EIF4E2: variants seen among roughly 807,000 people sequenced by gnomAD.
The protein encoded by EIF4E2 is eukaryotic translation initiation factor 4E type 2.
A neutral mutation model predicts 34.2 loss-of-function variants in EIF4E2; 13 were observed. The observed-to-expected ratio is 0.38, with a 90% CI of 0.25 to 0.60. The LOEUF is 0.60. Ranked by LOEUF, EIF4E2 falls within the 20% of genes least tolerant of loss-of-function variation. EIF4E2 has a pLI of 0.62. For synonymous variants in EIF4E2, 100 were observed against 106.6 expected (o/e 0.94, Z 0.38); for missense variants, 222 against 315.1 (o/e 0.70, Z 2.24).
chr2:232,581,018 T>C lies in EIF4E2; in HGVS notation c.*75T>C. On this transcript the variant is annotated 3_prime_UTR_variant, in exon 7 of 7. Coordinates refer to the EIF4E2 transcript ENST00000409098. This position sits in a 1 kb window ranked among gnomAD's most constrained non-coding sequence, Gnocchi z 5.2. ...AAATGGATGGGAGGCCTCCAGCCAG[T>C]CCTTCCATTGCTCACTGAAGGGACG... is the stretch of plus-strand genomic sequence containing the variant. 7.0e-7 allele frequency: 1 copy of C among 1,420,414 alleles called. No individual in the cohort carries two copies. The highest frequency in any genetic ancestry group is 9.7e-7 in the Non-Finnish European group (1 of 1,028,244). The allele number at this position is 1,420,414 out of a possible 1,614,324, so 88.0% of individuals were successfully genotyped here. A position where few individuals can be genotyped will look rare whatever the true frequency, so the allele number is the denominator to read the frequency against.
chr2:232,565,529 G>A (rs1692890111), intron 4 of EIF4E2, among the ~76,000 whole-genome samples: 1 of 152,072 alleles, frequency 6.6e-6, no homozygotes, highest in Non-Finnish European at 1.5e-5. Flanking sequence ...AGCTACTCGG[G>A]AGGCTGAGAC....
In EIF4E2 at chr2:232,567,419, CAG is replaced by C; in HGVS notation, c.665+212_665+213del. 2.9e-6 allele frequency: 4 copies of C among 1,373,174 alleles called. 1 individual carries two copies. Among genetic ancestry groups the C allele is most frequent in the Non-Finnish European group, 3.7e-6 (4 of 1,066,810 alleles). The allele number at this position is 1,373,174 out of a possible 1,614,324, so 85.1% of individuals were successfully genotyped here. ...ACCTATACTACCAGGTGCTTTGTAG[CAG>C]AGAGAGCCCATCTGCAGAAACCCAG... is the stretch of plus-strand genomic sequence containing the variant. On this transcript the variant is annotated intron_variant, in intron 6 of 6. Coordinates refer to ENST00000258416, the MANE Select transcript of EIF4E2 (RefSeq NM_004846.4).
chr2:232,566,807 A>AGT lies in EIF4E2; in HGVS notation c.376-20_376-19dup. On this transcript the variant is annotated intron_variant, in intron 4 of 6. Coordinates refer to ENST00000258416, the MANE Select transcript of EIF4E2 (RefSeq NM_004846.4). This position sits in a 1 kb window ranked among gnomAD's most constrained non-coding sequence, Gnocchi z 4.9. ...GGCTGTGAAACCATATTTTAACTTC[A>AGT]GTGCTTTCTGTCTTTTTACAGGATG... is the stretch of plus-strand genomic sequence containing the variant. The AGT allele has an allele frequency of 6.2e-7, 1 of 1,613,444 alleles. No homozygotes were observed. Among genetic ancestry groups the AGT allele is most frequent in the South Asian group, 1.1e-5 (1 of 90,834 alleles).
chr2:232,574,133 C>T, downstream of EIF4E2: 2 of 947,462 alleles, frequency 2.1e-6, no homozygotes, highest in Non-Finnish European at 3.4e-6. Flanking sequence ...TGCTCTGCTC[C>T]CAGGTACCTG....
In EIF4E2 at chr2:232,566,889, C is replaced by A. The variant is rs770708405; in HGVS notation, c.436C>A (p.Arg146Ser). The A allele has an allele frequency of 6.2e-7, 1 of 1,613,628 alleles. No homozygotes were observed. The highest frequency in any genetic ancestry group is 1.1e-5 in the South Asian group (1 of 90,958). Residue 146 changes from arginine to serine, a missense_variant, in exon 5 of 7, where the codon CGT (arginine) becomes AGT (serine). By Grantham distance (110) the Arg-to-Ser change is moderately radical. This residue lies in a region of EIF4E2 where 105 missense variants were observed against 195.1 expected (regional missense o/e 0.54). Coordinates refer to ENST00000258416, the MANE Select transcript of EIF4E2 (RefSeq NM_004846.4). The surrounding 1 kb of genome is among the most constrained non-coding windows in gnomAD (Gnocchi z 4.9). The part of the protein sequence containing the change: ...IIRLRKGLAS[R>S]CWENLILAML... ...TCGGCTGCGGAAGGGCTTGGCCTCC[C>A]GTTGCTGGGAGAATCTCATTTTGGC...
Position 232,566,956 on chromosome 2 carries a change from G to C in EIF4E2, c.503G>C (p.Gly168Ala). ...EQFMVGEEIC[G>A]AVVSVRFQED... ...TTCATGGTTGGGGAGGAGATCTGTG[G>C]GGCTGTGGTGTCTGTCCGCTTTCAG... is the stretch of plus-strand genomic sequence containing the variant. The change falls in exon 5 of 7, where the codon GGG becomes GCG. Residue 168 changes from glycine to alanine, a missense_variant. By Grantham distance (60) the Gly-to-Ala change is moderately conservative (BLOSUM62 0). Transcript: ENST00000258416. This position sits in a 1 kb window ranked among gnomAD's most constrained non-coding sequence, Gnocchi z 4.9. The C allele has an allele frequency of 6.2e-7, 1 of 1,600,390 alleles. No individual in the cohort carries two copies. Among genetic ancestry groups the C allele is most frequent in the Non-Finnish European group, 8.5e-7 (1 of 1,172,998 alleles).
intron 4 of EIF4E2, among the ~76,000 whole-genome samples, chr2:232,565,056 G>C (rs1692872808): frequency 6.6e-6 from 1 of 152,212 alleles, no homozygotes; most frequent in South Asian, 2.1e-4. Flanking sequence ...ACTTTGCAGA[G>C]CCAGTATTCG....
chr2:232,581,030 T>A lies in EIF4E2; in HGVS notation c.*87T>A, dbSNP rs1352928055. The A allele has an allele frequency of 7.5e-7, 1 of 1,334,378 alleles. No homozygotes were observed. Among genetic ancestry groups the A allele is most frequent in the Non-Finnish European group, 1.1e-6 (1 of 949,720 alleles). The allele number at this position is 1,334,378 out of a possible 1,614,324, so 82.7% of individuals were successfully genotyped here. A position where few individuals can be genotyped will look rare whatever the true frequency, so the allele number is the denominator to read the frequency against. ...GGCCTCCAGCCAGTCCTTCCATTGC[T>A]CACTGAAGGGACGTCCCTGAGCCGT... On this transcript the variant is annotated 3_prime_UTR_variant, in exon 7 of 7. Coordinates refer to the EIF4E2 transcript ENST00000409098. The surrounding 1 kb of genome is among the most constrained non-coding windows in gnomAD (Gnocchi z 5.2).
chr2:232,558,154 C>T, intron 3 of EIF4E2, 136 bp downstream of exon 3: 1 of 1,151,086 alleles, frequency 8.7e-7, no homozygotes, highest in Non-Finnish European at 1.2e-6. Flanking sequence ...TCTCCGGAGT[C>T]AGATTTGTTC....
downstream of EIF4E2, among the ~76,000 whole-genome samples, chr2:232,572,172 AAGT>A (rs1299362760): frequency 6.6e-6 from 1 of 152,170 alleles, no homozygotes; most frequent in Non-Finnish European, 1.5e-5. Flanking sequence ...TAAAAGAAGG[AAGT>A]TTTAATATTA....
At chr2:232,551,303 C>T (rs1246679289) in intron 1 of EIF4E2, 1 of 471,238 alleles carries the variant, frequency 2.1e-6, no homozygotes, top group Non-Finnish European at 4.4e-6. Flanking sequence ...TTTCTCCTCC[C>T]CTTCCCGTTC....
intron 3 of EIF4E2, among the ~76,000 whole-genome samples, chr2:232,561,653 TA>T (rs1692728039): frequency 6.6e-6 from 1 of 152,208 alleles, no homozygotes; most frequent in Admixed American, 6.5e-5. Flanking sequence ...GCCTAATCAT[TA>T]ACAACATTTA....
intron 3 of EIF4E2, 65 bp downstream of exon 3, chr2:232,558,083 G>A (rs951550569): frequency 6.2e-5 from 96 of 1,554,106 alleles, no homozygotes; most frequent in Non-Finnish European, 8.0e-5. Flanking sequence ...TTGATATGAT[G>A]TTTATTTACT....
At chr2:232,567,608 G>T in intron 6 of EIF4E2, 1 of 1,131,316 alleles carries the variant, frequency 8.8e-7, no homozygotes, top group Non-Finnish European at 1.1e-6. Flanking sequence ...TTTTTAACTT[G>T]TTAGCTTCAG....
intron 6 of EIF4E2, chr2:232,568,149 T>C: frequency 1.1e-6 from 1 of 922,638 alleles, no homozygotes; most frequent in Non-Finnish European, 1.3e-6. Context: ...AGTATTGCTA[T>C]CATCATCATC....
rs550367867 is a variant in EIF4E2 at position 232,566,378 on chromosome 2, G to A, written c.376-451G>A. Among the ~76,000 whole-genome samples the A allele has an allele frequency of 6.6e-6, 1 of 152,276 alleles. No individual in the cohort carries two copies. Among genetic ancestry groups the A allele is most frequent in the South Asian group, 2.1e-4 (1 of 4,822 alleles). Reference sequence around the variant, plus strand: ...ATTTTGTTTTTGTATTTTTAGTAGAGACGCGGTTTCACCGTGTCAGCCAGG... The same window carrying A: ...ATTTTGTTTTTGTATTTTTAGTAGAAACGCGGTTTCACCGTGTCAGCCAGG... On this transcript the variant is annotated intron_variant, in intron 4 of 6. Transcript: ENST00000258416. This position sits in a 1 kb window ranked among gnomAD's most constrained non-coding sequence, Gnocchi z 4.9.
At chr2:232,571,396 C>T (rs946548121), downstream of EIF4E2, among the ~76,000 whole-genome samples, 2 of 152,250 alleles carry the variant, frequency 1.3e-5, no homozygotes, top group African/African-American at 4.8e-5. Flanking sequence ...CCCATATTCT[C>T]TGCTTTGAGG....
chr2:232,579,435 A>G (rs534145901), intron 6 of EIF4E2, among the ~76,000 whole-genome samples: 5 of 152,302 alleles, frequency 3.3e-5, no homozygotes, highest in African/African-American at 9.6e-5. Flanking sequence ...TTGAGATAAC[A>G]TCAGTTTATT....
At chr2:232,563,793 A>C (rs1692812118) in intron 3 of EIF4E2, among the ~76,000 whole-genome samples, 1 of 152,130 alleles carries the variant, frequency 6.6e-6, no homozygotes, top group African/African-American at 2.4e-5. Context: ...TTTGCCAGTT[A>C]AACAATCTTT....
Sources: allele counts gnomAD v4.1 joint callset (sites outside exome capture counted in the v4.1 genomes callset), GRCh38; gene constraint gnomAD v4.1.1; regional missense constraint gnomAD v4.1.1; non-coding constraint Gnocchi (gnomAD v3.1); transcripts MANE v1.5; gene names NCBI Gene and HGNC (gene_info 2026-07-23, HGNC 2026-07-21).